SYNPO: variants seen among roughly 807,000 people sequenced by gnomAD.
The protein encoded by SYNPO is synaptopodin.
A neutral mutation model predicts 49.5 loss-of-function variants in SYNPO; 19 were observed. That is an observed-to-expected ratio of 0.38 (90% CI 0.27 to 0.56). SYNPO has a LOEUF of 0.56. Ranked by LOEUF, SYNPO falls within the 20% of genes least tolerant of loss-of-function variation. The pLI, the probability that SYNPO is intolerant of heterozygous loss-of-function variation, is 0.68. For missense variants in SYNPO, 1,131 were observed against 1,248.3 expected, an observed-to-expected ratio of 0.91 and a Z score of 1.42; for synonymous variants, 536 against 548.0, an observed-to-expected ratio of 0.98 and a Z score of 0.31.
Position 150,633,272 on chromosome 5 carries a change from A to C in SYNPO, c.400+14505A>C, listed in dbSNP as rs570314567. 5.9e-5 allele frequency among the ~76,000 whole-genome samples: 9 copies of C among 152,326 alleles called. No individual in the cohort carries two copies. The South Asian group carries it at 1.9e-3, about 32-fold the overall frequency. On this transcript the variant is annotated intron_variant, in intron 2 of 2. Coordinates refer to the SYNPO transcript ENST00000394243. ...GCAATAACATAGCAGAGTGGGAATT[A>C]AGAATCTTTTAGAGGAAACTGAGGC...
chr5:150,595,092 C>A, the SYNPO span, among the ~76,000 whole-genome samples: 1 of 152,178 alleles, frequency 6.6e-6, no homozygotes, highest in Non-Finnish European at 1.5e-5. Flanking sequence ...CGTGCTGTTG[C>A]AAGACTTCTC....
chr5:150,617,967 A>G (rs959363981), intron 1 of SYNPO: 11 of 164,558 alleles, frequency 6.7e-5, no homozygotes, highest in African/African-American at 9.5e-5. Flanking sequence ...ACACTTCCCT[A>G]TGGAAGTGTG....
At chr5:150,601,382 G>A (rs1756536047) in intron 1 of SYNPO, among the ~76,000 whole-genome samples, 1 of 152,154 alleles carries the variant, frequency 6.6e-6, no homozygotes, top group East Asian at 1.9e-4. Context: ...AACCACATGT[G>A]TCTCCCAGGC....
At chr5:150,589,466 A>G in the SYNPO span, among the ~76,000 whole-genome samples, 20 of 152,148 alleles carry the variant, frequency 1.3e-4, no homozygotes, top group African/African-American at 4.8e-4. Flanking sequence ...ACCCATCCCT[A>G]CGAATGGACC....
At chr5:150,590,388 C>T in the SYNPO span, among the ~76,000 whole-genome samples, 9 of 152,342 alleles carry the variant, frequency 5.9e-5, no homozygotes, top group East Asian at 1.7e-3. Flanking sequence ...GATGTGGAGG[C>T]CCAGAGAGGG....
chr5:150,616,878 G>A (rs1421198477), intron 1 of SYNPO, among the ~76,000 whole-genome samples: 1 of 151,852 alleles, frequency 6.6e-6, no homozygotes, highest in Non-Finnish European at 1.5e-5. Context: ...CCTCTTGCTT[G>A]GATTATCATC....
chr5:150,611,339 T>C (rs1183158106), intron 1 of SYNPO, among the ~76,000 whole-genome samples: 1 of 152,178 alleles, frequency 6.6e-6, no homozygotes, highest in Non-Finnish European at 1.5e-5. Flanking sequence ...AGTGAACAAA[T>C]GAGTAAATGA....
intron 1 of SYNPO, among the ~76,000 whole-genome samples, chr5:150,602,997 G>GTGTGT (rs1554106604): frequency 7.3e-4 from 96 of 131,254 alleles, no homozygotes; most frequent in African/African-American, 2.5e-3. Flanking sequence ...GCCACCTTAG[G>GTGTGT]GTGTGTGTGT....
chr5:150,652,466 G>T, intron 2 of SYNPO: 2 of 941,514 alleles, frequency 2.1e-6, no homozygotes, highest in South Asian at 9.8e-5. Flanking sequence ...TGTGTCCTGC[G>T]TGCTGCCTGC....
rs115623670 is a variant in SYNPO at position 150,620,542 on chromosome 5, G to A, written c.400+1775G>A. Among the ~76,000 whole-genome samples, 613 of 152,312 alleles carry A rather than the reference G, an allele frequency of 4.0e-3. 4 individuals are homozygous for A. The highest frequency in any genetic ancestry group is 0.014 in the African/African-American group (564 of 41,550). ...GATCCAGTCATGGTTTTTTGAACACGAGGCTTGTGCTCTTGGCCACCACTG... is the reference window on the plus strand; with the variant it reads ...GATCCAGTCATGGTTTTTTGAACACAAGGCTTGTGCTCTTGGCCACCACTG... On this transcript the variant is annotated intron_variant, in intron 2 of 2. Transcript: ENST00000394243.
In SYNPO at chr5:150,649,722, C is replaced by T; in HGVS notation, c.1447C>T (p.Leu483Phe). The change falls in exon 2 of 3, where the codon CTC (leucine) becomes TTC (phenylalanine). Residue 483 changes from leucine to phenylalanine, a missense_variant. This residue lies in a region of SYNPO where 602 missense variants were observed against 720.7 expected (regional missense o/e 0.84). Coordinates refer to ENST00000307662, the MANE Select transcript of SYNPO (RefSeq NM_007286.6). ...LSEASGKGAE[L>F]YARRQSRMEK... Reference sequence around the variant, plus strand: ...CGAGGCCTCTGGGAAGGGAGCTGAGCTCTACGCCCGCCGCCAGTCACGGAT... The same window carrying T: ...CGAGGCCTCTGGGAAGGGAGCTGAGTTCTACGCCCGCCGCCAGTCACGGAT... 6.2e-7 allele frequency: 1 copy of T among 1,612,602 alleles called. No homozygotes were observed. The highest frequency in any genetic ancestry group is 8.5e-7 in the Non-Finnish European group (1 of 1,180,018).
intron 1 of SYNPO, among the ~76,000 whole-genome samples, chr5:150,609,788 G>GGC (rs1554107086): frequency 6.6e-6 from 1 of 151,306 alleles, no homozygotes; most frequent in Admixed American, 6.6e-5. Flanking sequence ...GAATGTGGCG[G>GGC]GGGGGGGCAG....
the SYNPO span, among the ~76,000 whole-genome samples, chr5:150,593,368 C>T: frequency 0.028 from 4,256 of 152,324 alleles, 195 homozygotes; most frequent in African/African-American, 0.098. Flanking sequence ...CTGTTCCCTA[C>T]GCAGTCCCTT....
At chr5:150,611,867 C>T (rs2151353807) in intron 1 of SYNPO, among the ~76,000 whole-genome samples, 1 of 152,362 alleles carries the variant, frequency 6.6e-6, no homozygotes, top group African/African-American at 2.4e-5. Flanking sequence ...GCTGCTACCG[C>T]TCCCACTAAC....
chr5:150,643,957 T>C (rs1758000957), intron 1 of SYNPO, among the ~76,000 whole-genome samples: 1 of 152,006 alleles, frequency 6.6e-6, no homozygotes, highest in South Asian at 2.1e-4. Flanking sequence ...GGTGGATCAC[T>C]TGAGCTCAGG....
chr5:150,648,517 C>A lies in SYNPO; in HGVS notation c.242C>A (p.Thr81Asn). The change falls in exon 2 of 3, where the codon ACC (threonine) becomes AAC (asparagine). Residue 81 changes from threonine (T) to asparagine (N), a missense_variant. Transcript: ENST00000307662. This position sits in a 1 kb window ranked among gnomAD's most constrained non-coding sequence, Gnocchi z 5.0. The part of the protein sequence containing the change: ...QNLASPSATL[T>N]TPTSNSSHNP... ...CTTGCCTCGCCCAGTGCCACGCTCACCACACCAACTTCTAACAGCAGCCAC... is the reference window on the plus strand; with the variant it reads ...CTTGCCTCGCCCAGTGCCACGCTCAACACACCAACTTCTAACAGCAGCCAC... The A allele has an allele frequency of 6.2e-7, 1 of 1,614,200 alleles. No homozygotes were observed. Among genetic ancestry groups the A allele is most frequent in the South Asian group, 1.1e-5 (1 of 91,080 alleles).
At chr5:150,654,434 A>G (rs2151432335) in intron 2 of SYNPO, among the ~76,000 whole-genome samples, 1 of 151,988 alleles carries the variant, frequency 6.6e-6, no homozygotes, top group African/African-American at 2.4e-5. Context: ...TCTGAGCTTC[A>G]TTTTCATCAT....
intron 1 of SYNPO, among the ~76,000 whole-genome samples, chr5:150,615,794 G>A (rs1756968402): frequency 2.0e-5 from 3 of 152,202 alleles, no homozygotes; most frequent in Non-Finnish European, 4.4e-5. Context: ...CATGGTCAAG[G>A]TGTCAGAGCT....
chr5:150,636,324 CTA>C, upstream of SYNPO, among the ~76,000 whole-genome samples: 1 of 152,246 alleles, frequency 6.6e-6, no homozygotes, highest in Admixed American at 6.5e-5. Context: ...ATGTATATAA[CTA>C]TTAAGATTTT....
Sources: gnomAD v4.1 joint callset for allele counts (sites outside exome capture counted in the v4.1 genomes callset) on GRCh38, gnomAD v4.1.1 for gene constraint, gnomAD v4.1.1 regional missense constraint, Gnocchi (gnomAD v3.1) non-coding constraint, MANE v1.5 for transcripts, NCBI Gene and HGNC (gene_info 2026-07-23, HGNC 2026-07-21) for gene names.